The following GYPC variants were observed in gnomAD, a reference collection of about 807,000 sequenced individuals.
GYPC encodes glycophorin C (Gerbich blood group).
GYPC carries 14 observed loss-of-function variants against 12.6 expected under a neutral mutation model. The observed-to-expected ratio is 1.11, with a 90% CI of 0.74 to 1.74. The LOEUF (loss-of-function observed/expected upper bound fraction) is 1.74. GYPC is among the 40% of genes most tolerant of loss of function. The pLI is 0.00. For synonymous variants in GYPC, 78 were observed against 62.1 expected (o/e 1.26, Z -1.20); for missense variants, 225 against 172.1 (o/e 1.31, Z -1.72).
At chr2:126,681,914 G>A (rs1683160235) in intron 1 of GYPC, among the ~76,000 whole-genome samples, 1 of 152,260 alleles carries the variant, frequency 6.6e-6, no homozygotes, top group Non-Finnish European at 1.5e-5. Context: ...CCTGGCAAGT[G>A]TGCTGACTTC....
At chr2:126,686,988 C>T (rs2104800986) in intron 1 of GYPC, among the ~76,000 whole-genome samples, 2 of 152,312 alleles carry the variant, frequency 1.3e-5, no homozygotes, top group South Asian at 4.1e-4. Context: ...CACCTACTTT[C>T]TGGGCTGGAT....
chr2:126,686,702 A>G, intron 1 of GYPC: 6 of 985,308 alleles, frequency 6.1e-6, no homozygotes, highest in Non-Finnish European at 7.2e-6. Context: ...GCTGGGAAGA[A>G]AAAAAGTAGG....
intron 1 of GYPC, among the ~76,000 whole-genome samples, chr2:126,669,779 C>T (rs1682792794): frequency 6.6e-6 from 1 of 152,026 alleles, no homozygotes; most frequent in African/African-American, 2.4e-5. Context: ...CTAGTGTTTC[C>T]CGCTCATGGG....
At chr2:126,695,823 G>T in intron 3 of GYPC, 123 bp from the exon 4 acceptor site, 1 of 778,812 alleles carries the variant, frequency 1.3e-6, no homozygotes, top group Admixed American at 1.8e-5. Context: ...CATAAATCAA[G>T]GAGCATCTCT....
In GYPC at chr2:126,695,999, C is replaced by T. The variant is rs769463770; in HGVS notation, c.244C>T (p.Arg82Cys). 3.3e-5 allele frequency: 54 copies of T among 1,613,984 alleles called. No individual in the cohort carries two copies. The highest frequency in any genetic ancestry group is 3.3e-4 in the Middle Eastern group (2 of 6,082). Residue 82 changes from arginine to cysteine, a missense_variant, in exon 4 of 4, where the codon CGC becomes TGC. Arg to Cys is a radical substitution (Grantham distance 180, BLOSUM62 -3). Coordinates refer to ENST00000259254, the MANE Select transcript of GYPC (RefSeq NM_002101.5). ...VLVSLLFVML[R>C]YMYRHKGTYH... ...AGTCTCCCTCCTCTTCGTCATGCTG[C>T]GCTACATGTACCGGCACAAGGGCAC...
chr2:126,665,338 T>C (rs565011580), intron 1 of GYPC, among the ~76,000 whole-genome samples: 18 of 152,358 alleles, frequency 1.2e-4, no homozygotes, highest in Middle Eastern at 3.4e-3. Context: ...TTGTTGTTAA[T>C]ATCTTACTGT....
intron 1 of GYPC, among the ~76,000 whole-genome samples, chr2:126,683,992 G>A (rs1246031799): frequency 1.3e-5 from 2 of 152,136 alleles, no homozygotes; most frequent in African/African-American, 2.4e-5. Context: ...AGCCTGCGTG[G>A]GTCCAATTCT....
chr2:126,685,005 G>A (rs1300599863), intron 1 of GYPC, among the ~76,000 whole-genome samples: 1 of 152,184 alleles, frequency 6.6e-6, no homozygotes, highest in African/African-American at 2.4e-5. Context: ...CTGGCTTCTA[G>A]GAGAAATGGA....
intron 1 of GYPC, among the ~76,000 whole-genome samples, chr2:126,681,055 T>C (rs1683137802): frequency 1.3e-5 from 2 of 152,230 alleles, no homozygotes; most frequent in South Asian, 4.1e-4. Context: ...TCCCCGTTTC[T>C]TCACTGTAAA....
chr2:126,662,857 C>A (rs1446081934), intron 1 of GYPC, among the ~76,000 whole-genome samples: 1 of 152,064 alleles, frequency 6.6e-6, no homozygotes, highest in East Asian at 1.9e-4. Flanking sequence ...TGCGTGTGTG[C>A]TTAAACGCCA....
intron 2 of GYPC, among the ~76,000 whole-genome samples, chr2:126,691,638 C>T (rs978968560): frequency 6.6e-6 from 1 of 152,146 alleles, no homozygotes; most frequent in Non-Finnish European, 1.5e-5. Context: ...ACCAGCTCTG[C>T]CCTGTTTTCT....
intron 1 of GYPC, among the ~76,000 whole-genome samples, chr2:126,677,314 TGAGAATGTGTGTGATAGTGTGTAAGA>T (rs2104788643): frequency 6.6e-6 from 1 of 150,884 alleles, no homozygotes; most frequent in Non-Finnish European, 1.5e-5. Context: ...TGAGTGTGTG[TGAGAATGTGTGTGATAGTGTGTAAGA>T]AAGAATGTGT....
Position 126,679,450 on chromosome 2 carries a change from T to TG in GYPC, c.50-10804dup, listed in dbSNP as rs1384998778. 2.0e-5 allele frequency among the ~76,000 whole-genome samples: 3 copies of TG among 151,810 alleles called. No individual in the cohort carries two copies. In the East Asian group the frequency reaches 5.8e-4, roughly 29 times the overall value. On this transcript the variant is annotated intron_variant, in intron 1 of 3. Transcript: ENST00000259254. Reference sequence around the variant, plus strand: ...ATTTATCCAGCATCTGAGAGGCAGGTGTGTAGAGAAAGAAAAAAAAATTGA... The same window carrying TG: ...ATTTATCCAGCATCTGAGAGGCAGGTGGTGTAGAGAAAGAAAAAAAAATTGA...
chr2:126,691,640 C>T (rs1472275313), intron 2 of GYPC, among the ~76,000 whole-genome samples: 4 of 152,164 alleles, frequency 2.6e-5, no homozygotes, highest in African/African-American at 9.7e-5. Flanking sequence ...CAGCTCTGCC[C>T]TGTTTTCTGG....
At chr2:126,665,761 G>A (rs915930623) in intron 1 of GYPC, among the ~76,000 whole-genome samples, 2 of 152,220 alleles carry the variant, frequency 1.3e-5, no homozygotes, top group Admixed American at 6.5e-5. Flanking sequence ...TAGTGAGGAC[G>A]TGTAACACAC....
At chr2:126,673,926 C>T (rs1225629429) in intron 1 of GYPC, among the ~76,000 whole-genome samples, 1 of 152,170 alleles carries the variant, frequency 6.6e-6, no homozygotes, top group Non-Finnish European at 1.5e-5. Context: ...AGCTTGGACC[C>T]TATGCGACCT....
intron 1 of GYPC, 132 bp downstream of exon 1, chr2:126,656,444 T>C (rs1174321016): frequency 9.7e-6 from 7 of 721,620 alleles, no homozygotes; most frequent in Non-Finnish European, 1.4e-5. Context: ...GGAGGAGGCG[T>C]CCGCTGGGCT....
intron 1 of GYPC, chr2:126,679,934 C>A (rs1228058406): frequency 6.6e-6 from 1 of 152,128 alleles, no homozygotes; most frequent in African/African-American, 2.4e-5. Flanking sequence ...ACAGGTTGTT[C>A]AGCAAACTAC....
chr2:126,666,708 T>TCC (rs1491089453), intron 1 of GYPC, among the ~76,000 whole-genome samples: 3 of 118,420 alleles, frequency 2.5e-5, no homozygotes, highest in Non-Finnish European at 5.1e-5. Context: ...CCTCCCTCCC[T>TCC]ACACACACAC....
Sources: allele counts gnomAD v4.1 joint callset (sites outside exome capture counted in the v4.1 genomes callset), GRCh38; gene constraint gnomAD v4.1.1; transcripts MANE v1.5; gene names NCBI Gene and HGNC (gene_info 2026-07-23, HGNC 2026-07-21).